The following LPP variants were observed in gnomAD, a reference collection of about 807,000 sequenced individuals.
LPP encodes LIM domain containing preferred translocation partner in lipoma.
A neutral mutation model predicts 60.4 loss-of-function variants in LPP; 38 were observed. That is an observed-to-expected ratio of 0.63 (90% confidence interval 0.49 to 0.83). The LOEUF is 0.83. Among genes scored for constraint, LPP ranks in the 40% least tolerant of loss-of-function variants. The pLI, the probability that LPP is intolerant of heterozygous loss-of-function variation, is 0.00. For missense variants in LPP, 902 were observed against 783.6 expected, an observed-to-expected ratio of 1.15 and a Z score of -1.80; for synonymous variants, 328 against 290.8, an observed-to-expected ratio of 1.13 and a Z score of -1.30.
intron 3 of LPP, among the ~76,000 whole-genome samples, chr3:188,395,977 A>T (rs1442000852): frequency 6.6e-6 from 1 of 152,052 alleles, no homozygotes; most frequent in Non-Finnish European, 1.5e-5. Context: ...TAATGTCCAA[A>T]CTCAATTCAA....
chr3:188,577,026 T>C (rs143761065), intron 6 of LPP, among the ~76,000 whole-genome samples: 36 of 152,294 alleles, frequency 2.4e-4, no homozygotes, highest in Non-Finnish European at 4.0e-4. Flanking sequence ...ACATTGGCAA[T>C]CATACAGACG....
At position 188,886,325 on chromosome 3, in the gene LPP, A is replaced by C. The variant is rs180759979; in HGVS notation, c.*11846A>C. 755 of 175,120 alleles carry C rather than the reference A, an allele frequency of 4.3e-3. 8 individuals carry two copies. Among genetic ancestry groups the C allele is most frequent in the African/African-American group, 0.017 (722 of 41,870 alleles). The allele number at this position is 175,120 out of a possible 1,614,324, so 10.8% of individuals were successfully genotyped here. ...ATAATAATGAAATAAAATTAAAAAAAAAAAAGAAAAGTGCCTCACCTCCCT... is the reference window on the plus strand; with the variant it reads ...ATAATAATGAAATAAAATTAAAAAACAAAAAGAAAAGTGCCTCACCTCCCT... On this transcript the variant is annotated 3_prime_UTR_variant, in exon 12 of 12. Coordinates refer to ENST00000617246, the MANE Select transcript of LPP (RefSeq NM_001375462.1).
intron 4 of LPP, among the ~76,000 whole-genome samples, chr3:188,409,461 A>G (rs560405955): frequency 2.6e-5 from 4 of 152,356 alleles, no homozygotes; most frequent in African/African-American, 9.6e-5. Context: ...CTTTATATTT[A>G]ATTTAAATGT....
intron 5 of LPP, among the ~76,000 whole-genome samples, chr3:188,489,693 A>T (rs1257883544): frequency 6.6e-6 from 1 of 152,234 alleles, no homozygotes; most frequent in Non-Finnish European, 1.5e-5. Flanking sequence ...AGGAAACCCC[A>T]TGCAAACAAT....
At chr3:188,421,763 A>G (rs1467988245) in intron 4 of LPP, among the ~76,000 whole-genome samples, 4 of 152,114 alleles carry the variant, frequency 2.6e-5, no homozygotes, top group Non-Finnish European at 5.9e-5. Flanking sequence ...GTATTCCTTA[A>G]CAAAAGATTC....
At chr3:188,458,435 A>G (rs988126678) in intron 4 of LPP, among the ~76,000 whole-genome samples, 4 of 152,184 alleles carry the variant, frequency 2.6e-5, no homozygotes, top group African/African-American at 9.7e-5. Context: ...GCCTTAGGGT[A>G]CTGGGTGTTA....
intron 7 of LPP, among the ~76,000 whole-genome samples, chr3:188,687,486 A>T (rs1477314526): frequency 6.6e-6 from 1 of 151,986 alleles, no homozygotes; most frequent in Admixed American, 6.6e-5. Flanking sequence ...TGAGATTTTT[A>T]AGGCAGTTTT....
intron 1 of LPP, among the ~76,000 whole-genome samples, chr3:188,173,308 G>A (rs547320286): frequency 4.0e-4 from 61 of 152,196 alleles, no homozygotes; most frequent in Middle Eastern, 3.4e-3. Context: ...CGAGGCCAGC[G>A]TGGCTAACAT....
At chr3:188,263,814 C>T (rs1278729518) in intron 2 of LPP, among the ~76,000 whole-genome samples, 2 of 152,238 alleles carry the variant, frequency 1.3e-5, no homozygotes, top group Non-Finnish European at 2.9e-5. Context: ...AGCGTCCTCT[C>T]ATTTTCCTGC....
At chr3:188,569,157 A>AAATAAT (rs142373873) in intron 6 of LPP, 1 of 150,264 alleles carries the variant, frequency 6.7e-6, no homozygotes, top group African/African-American at 2.5e-5. Context: ...GAAAACAGCC[A>AAATAAT]AATAATAATA....
At chr3:188,835,522 G>A (rs966367025) in intron 9 of LPP, among the ~76,000 whole-genome samples, 1 of 151,982 alleles carries the variant, frequency 6.6e-6, no homozygotes, top group Non-Finnish European at 1.5e-5. Flanking sequence ...GGGAGGCGGA[G>A]GCAGGAGAAT....
At chr3:188,810,237 CTTAAGGCA>C (rs1750511093) in intron 9 of LPP, among the ~76,000 whole-genome samples, 1 of 152,026 alleles carries the variant, frequency 6.6e-6, no homozygotes, top group Non-Finnish European at 1.5e-5. Flanking sequence ...ATTCAGAGGC[CTTAAGGCA>C]GTAAGGCATC....
chr3:188,189,748 G>A (rs941621490), intron 1 of LPP, among the ~76,000 whole-genome samples: 5 of 152,158 alleles, frequency 3.3e-5, no homozygotes, highest in African/African-American at 9.7e-5. Context: ...TGGCAGACAC[G>A]AGAATGTGGT....
chr3:188,570,968 G>A (rs1398181436), intron 6 of LPP, among the ~76,000 whole-genome samples: 1 of 152,060 alleles, frequency 6.6e-6, no homozygotes, highest in African/African-American at 2.4e-5. Context: ...AAGAATTATA[G>A]CAAATTATAC....
chr3:188,404,447 A>G (rs1782952889), intron 3 of LPP, among the ~76,000 whole-genome samples: 1 of 152,048 alleles, frequency 6.6e-6, no homozygotes. Flanking sequence ...GTCTCATTCT[A>G]TTGCCCAGGC....
intron 6 of LPP, among the ~76,000 whole-genome samples, chr3:188,593,192 T>G (rs1259493090): frequency 6.8e-6 from 1 of 146,366 alleles, no homozygotes; most frequent in Non-Finnish European, 1.5e-5. Context: ...GTTTCTTCCC[T>G]TGTGATTTTC....
At chr3:188,442,688 A>C (rs1012267067) in intron 4 of LPP, among the ~76,000 whole-genome samples, 9 of 152,154 alleles carry the variant, frequency 5.9e-5, no homozygotes, top group African/African-American at 2.2e-4. Flanking sequence ...TTTGATTATT[A>C]TGTGGCTGTG....
intron 5 of LPP, among the ~76,000 whole-genome samples, chr3:188,500,481 G>T (rs924645708): frequency 6.6e-6 from 1 of 151,952 alleles, no homozygotes; most frequent in East Asian, 1.9e-4. Context: ...TTTGACTTGG[G>T]ATATTTGATT....
chr3:188,782,006 GA>G (rs1208128317), intron 9 of LPP, among the ~76,000 whole-genome samples: 1 of 152,012 alleles, frequency 6.6e-6, no homozygotes, highest in Non-Finnish European at 1.5e-5. Context: ...TTTGGGTGGG[GA>G]CACAGCCAAA....
Sources: gnomAD v4.1 joint callset for allele counts (sites outside exome capture counted in the v4.1 genomes callset) on GRCh38, gnomAD v4.1.1 for gene constraint, MANE v1.5 for transcripts, NCBI Gene and HGNC (gene_info 2026-07-23, HGNC 2026-07-21) for gene names.